OR9K2: variants seen among roughly 807,000 people sequenced by gnomAD.
OR9K2 encodes the protein olfactory receptor family 9 subfamily K member 2.
OR9K2 carries 16 observed loss-of-function variants against 12.4 expected under a neutral mutation model. The observed-to-expected ratio is 1.29, with a 90% CI of 0.87 to 1.95. OR9K2 has a LOEUF of 1.95. Ranked by LOEUF, OR9K2 falls within the 30% of genes most tolerant of loss-of-function variation. OR9K2 has a pLI of 0.00. For synonymous variants in OR9K2, 133 were observed against 133.2 expected (o/e 1.00, Z 0.01); for missense variants, 434 against 376.5 (o/e 1.15, Z -1.26).
In OR9K2 at chr12:55,130,674, C is replaced by T; in HGVS notation, c.840C>T (p.Ser280=). 6.2e-7 allele frequency: 1 copy of T among 1,611,496 alleles called. No individual in the cohort carries two copies. The highest frequency in any genetic ancestry group is 8.5e-7 in the Non-Finnish European group (1 of 1,177,750). Residue 280 remains serine (S), a synonymous_variant, in exon 3 of 3, where the codon TCC becomes TCT. Transcript: ENST00000641329. The part of the protein sequence containing the change: ...ELSKVASLCY[S]LVTPMLNPLI... ...GTAAAGTGGCATCCTTATGTTACTC[C>T]CTAGTCACTCCCATGTTGAATCCTT... is the stretch of plus-strand genomic sequence containing the variant.
intron 2 of OR9K2, among the ~76,000 whole-genome samples, chr12:55,128,024 T>C (rs1456379826): frequency 6.6e-6 from 1 of 151,976 alleles, no homozygotes; most frequent in Non-Finnish European, 1.5e-5. Context: ...CTAAAACCCA[T>C]ACTAACCACT....
chr12:55,130,819 A>C lies in OR9K2; in HGVS notation c.*43A>C, dbSNP rs1237154090. The C allele has an allele frequency of 4.5e-6, 5 of 1,105,122 alleles. No individual in the cohort carries two copies. Among genetic ancestry groups the C allele is most frequent in the Non-Finnish European group, 6.5e-6 (5 of 765,174 alleles). The allele number at this position is 1,105,122 out of a possible 1,614,324, so 68.5% of individuals were successfully genotyped here. ...CCAATTTTATTGTGGCTATTTATTT[A>C]ATACACCTGTGTTCATTAATAAAAG... On this transcript the variant is annotated 3_prime_UTR_variant, in exon 3 of 3. Coordinates refer to ENST00000641329, the MANE Select transcript of OR9K2 (RefSeq NM_001005243.2).
Position 55,131,048 on chromosome 12 carries a change from A to T in OR9K2, c.*272A>T, listed in dbSNP as rs1953469769. 4 of 276,224 alleles carry T rather than the reference A, an allele frequency of 1.4e-5. No individual in the cohort carries two copies. The highest frequency in any genetic ancestry group is 2.3e-3 in the Middle Eastern group (2 of 858). 17.1% of individuals were successfully genotyped at this position (276,224 alleles called of 1,614,324 possible). A position where few individuals can be genotyped will look rare whatever the true frequency, so the allele number is the denominator to read the frequency against. ...TATTTCACAGAATTTATATCTATTG[A>T]TTCTTGTGGCATAATGTAGAACAAT... On this transcript the variant is annotated 3_prime_UTR_variant, in exon 3 of 3. Transcript: ENST00000641329.
At position 55,130,216 on chromosome 12, in the gene OR9K2, G is replaced by T; in HGVS notation, c.382G>T (p.Ala128Ser). The T allele has an allele frequency of 6.2e-7, 1 of 1,614,016 alleles. No homozygotes were observed. Among genetic ancestry groups the T allele is most frequent in the Non-Finnish European group, 8.5e-7 (1 of 1,179,994 alleles). ...LAAMAYDRFI[A>S]ICNPLLYSVQ... The stretch of plus-strand genomic sequence containing the variant: ...GGCCATGGCTTATGACCGCTTTATT[G>T]CCATCTGCAACCCTCTGCTCTACTC... The change falls in exon 3 of 3, where the codon GCC becomes TCC. Residue 128 changes from alanine (A) to serine (S), a missense_variant. Coordinates refer to ENST00000641329, the MANE Select transcript of OR9K2 (RefSeq NM_001005243.2).
chr12:55,127,139 T>C (rs1359458538), intron 2 of OR9K2, among the ~76,000 whole-genome samples: 2 of 151,914 alleles, frequency 1.3e-5, no homozygotes, highest in East Asian at 3.8e-4. Flanking sequence ...ATCATTCAGC[T>C]TTTTTCTACG....
intron 2 of OR9K2, among the ~76,000 whole-genome samples, chr12:55,127,786 G>A (rs546013130): frequency 3.8e-4 from 58 of 152,044 alleles, no homozygotes; most frequent in African/African-American, 1.2e-3. Context: ...GCACTGAAAC[G>A]TATAATAAAA....
At position 55,130,130 on chromosome 12, in the gene OR9K2, G is replaced by C; in HGVS notation, c.296G>C (p.Gly99Ala). ...WSENKSISFA[G>A]CVAQLFLFAL... ...GAAAACAAGTCTATCTCCTTTGCAGGCTGTGTGGCCCAGCTCTTTCTCTTT... is the reference window on the plus strand; with the variant it reads ...GAAAACAAGTCTATCTCCTTTGCAGCCTGTGTGGCCCAGCTCTTTCTCTTT... The change falls in exon 3 of 3, where the codon GGC becomes GCC. Residue 99 changes from glycine to alanine, a missense_variant. Coordinates refer to ENST00000641329, the MANE Select transcript of OR9K2 (RefSeq NM_001005243.2). 2 of 1,613,748 alleles carry C rather than the reference G, an allele frequency of 1.2e-6. No homozygotes were observed. The highest frequency in any genetic ancestry group is 1.7e-6 in the Non-Finnish European group (2 of 1,179,984).
Position 55,130,508 on chromosome 12 carries a change from T to C in OR9K2, c.674T>C (p.Val225Ala), listed in dbSNP as rs1180893615. 2.5e-6 allele frequency: 4 copies of C among 1,613,826 alleles called. No homozygotes were observed. In the Admixed American group the frequency reaches 5.0e-5, roughly 20 times the overall value. ...ATTATAGTATCTTACATGTATATTG[T>C]GTCCACAGTTCTAAAGATACATTCT... The part of the protein sequence containing the change: ...IVIIVSYMYI[V>A]STVLKIHSTE... Residue 225 changes from valine (V) to alanine (A), a missense_variant, in exon 3 of 3, where the codon GTG becomes GCG. Val to Ala is a moderately conservative substitution (Grantham distance 64, BLOSUM62 0). Transcript: ENST00000641329.
At position 55,126,534 on chromosome 12, in the gene OR9K2, A is replaced by G. The variant is rs897271797; in HGVS notation, c.-94+18A>G. On this transcript the variant is annotated intron_variant, in intron 1 of 2. Transcript: ENST00000641329. ...TTCCTCAGGTTCACTTTGCTTATCT[A>G]TAGATTTTTGTTCCTGGAATCACTT... is the stretch of plus-strand genomic sequence containing the variant. 2.6e-5 allele frequency: 4 copies of G among 152,154 alleles called. No homozygotes were observed. The highest frequency in any genetic ancestry group is 9.7e-5 in the African/African-American group (4 of 41,440). The allele number at this position is 152,154 out of a possible 1,614,324, so 9.4% of individuals were successfully genotyped here.
chr12:55,129,468 T>A (rs968475512), intron 2 of OR9K2, among the ~76,000 whole-genome samples: 11 of 152,132 alleles, frequency 7.2e-5, no homozygotes, highest in Non-Finnish European at 1.5e-4. Context: ...TAAAATTAAT[T>A]GTGCTCTCTT....
chr12:55,126,979 TCTGCGGGAA>T (rs1953433312), intron 2 of OR9K2, 68 bp downstream of exon 2: 2 of 152,082 alleles, frequency 1.3e-5, no homozygotes, highest in Non-Finnish European at 2.9e-5. Flanking sequence ...GTTGTTGGCT[TCTGCGGGAA>T]TAACTCCCTT....
intron 2 of OR9K2, 60 bp from the exon 3 acceptor site, chr12:55,129,766 G>A: frequency 6.3e-7 from 1 of 1,592,126 alleles, no homozygotes; most frequent in Non-Finnish European, 8.6e-7. Context: ...GAGATTATTT[G>A]TAATGCTAGG....
chr12:55,130,559 C>T lies in OR9K2; in HGVS notation c.725C>T (p.Ser242Phe). The T allele has an allele frequency of 1.2e-6, 2 of 1,613,788 alleles. No individual in the cohort carries two copies. The highest frequency in any genetic ancestry group is 1.7e-6 in the Non-Finnish European group (2 of 1,179,746). The change falls in exon 3 of 3, where the codon TCC becomes TTC. Residue 242 changes from serine to phenylalanine, a missense_variant. Coordinates refer to ENST00000641329, the MANE Select transcript of OR9K2 (RefSeq NM_001005243.2). The stretch of plus-strand genomic sequence containing the variant: ...ACTGAGGGACATAAGAAGGCCTTCT[C>T]CACCTGCAGCTCTCACCTGGGAGTT... ...HSTEGHKKAF[S>F]TCSSHLGVVS...
At chr12:55,127,381 ATAT>A (rs1555162705) in intron 2 of OR9K2, among the ~76,000 whole-genome samples, 2 of 151,866 alleles carry the variant, frequency 1.3e-5, no homozygotes, top group Non-Finnish European at 2.9e-5. Flanking sequence ...TAAATTATAT[ATAT>A]TATTTTTCAA....
rs150372291 is a variant in OR9K2, at chr12:55,130,187, T to C, written c.353T>C (p.Leu118Pro). The change falls in exon 3 of 3, where the codon CTG (leucine) becomes CCG (proline). Residue 118 changes from leucine (L) to proline (P), a missense_variant. Leu to Pro is a moderately conservative substitution (Grantham distance 98). Coordinates refer to ENST00000641329, the MANE Select transcript of OR9K2 (RefSeq NM_001005243.2). ...CTCATTGTGACTGAGGGATTTCTCC[T>C]GGCGGCCATGGCTTATGACCGCTTT... ...ALLIVTEGFL[L>P]AAMAYDRFIA... The C allele has an allele frequency of 1.2e-6, 2 of 1,614,004 alleles. No individual in the cohort carries two copies. The highest frequency in any genetic ancestry group is 1.3e-5 in the African/African-American group (1 of 74,932).
chr12:55,130,072 A>T lies in OR9K2; in HGVS notation c.238A>T (p.Ile80Phe). The change falls in exon 3 of 3, where the codon ATT becomes TTT. Residue 80 changes from isoleucine to phenylalanine, a missense_variant. By Grantham distance (21) the Ile-to-Phe change is conservative. Coordinates refer to ENST00000641329, the MANE Select transcript of OR9K2 (RefSeq NM_001005243.2). The stretch of plus-strand genomic sequence containing the variant: ...CATTGATCTTTTCTATTCATCTGTT[A>T]TTGAACCCAAGGCTATGATCAACTT... ...SFIDLFYSSV[I>F]EPKAMINFWS... 1 of 1,612,556 alleles carries T rather than the reference A, an allele frequency of 6.2e-7. No homozygotes were observed. Among genetic ancestry groups the T allele is most frequent in the Non-Finnish European group, 8.5e-7 (1 of 1,179,938 alleles).
chr12:55,128,685 A>C (rs952024960), intron 2 of OR9K2, among the ~76,000 whole-genome samples: 5 of 152,310 alleles, frequency 3.3e-5, no homozygotes, highest in Admixed American at 3.3e-4. Context: ...AATCATGCAC[A>C]TAAAGCCCTT....
In OR9K2 at chr12:55,130,160, T is replaced by C. The variant is rs1592489916; in HGVS notation, c.326T>C (p.Leu109Pro). ...GCVAQLFLFA[L>P]LIVTEGFLLA... ...GTGGCCCAGCTCTTTCTCTTTGCCCTCCTCATTGTGACTGAGGGATTTCTC... is the reference window on the plus strand; with the variant it reads ...GTGGCCCAGCTCTTTCTCTTTGCCCCCCTCATTGTGACTGAGGGATTTCTC... The change falls in exon 3 of 3, where the codon CTC becomes CCC. Residue 109 changes from leucine (L) to proline (P), a missense_variant. By Grantham distance (98) the Leu-to-Pro change is moderately conservative. Transcript: ENST00000641329. 1 of 1,614,072 alleles carries C rather than the reference T, an allele frequency of 6.2e-7. No homozygotes were observed. Among genetic ancestry groups the C allele is most frequent in the Non-Finnish European group, 8.5e-7 (1 of 1,180,012 alleles).
In OR9K2 at chr12:55,130,540, G is replaced by T. The variant is rs1451238881; in HGVS notation, c.706G>T (p.Gly236Ter). The T allele has an allele frequency of 6.2e-7, 1 of 1,613,546 alleles. No individual in the cohort carries two copies. Among genetic ancestry groups the T allele is most frequent in the Non-Finnish European group, 8.5e-7 (1 of 1,179,768 alleles). ...AGTTCTAAAGATACATTCTACTGAG[G>T]GACATAAGAAGGCCTTCTCCACCTG... Reference protein sequence around the residue: ...STVLKIHSTEGHKKAFSTCSS... With the variant: ...STVLKIHSTE The change falls in exon 3 of 3, where the codon GGA becomes TGA. Residue 236 changes from glycine (G) to a stop codon, truncating the protein, a stop_gained. Coordinates refer to ENST00000641329, the MANE Select transcript of OR9K2 (RefSeq NM_001005243.2). LOFTEE classifies it high-confidence loss of function.
Sources: allele counts gnomAD v4.1 joint callset (sites outside exome capture counted in the v4.1 genomes callset), GRCh38; gene constraint gnomAD v4.1.1; transcripts MANE v1.5; gene names NCBI Gene and HGNC (gene_info 2026-07-23, HGNC 2026-07-21).